WDR4: variants seen among roughly 807,000 people sequenced by gnomAD.
WDR4 encodes the protein WDR4 tRNA N7-guanosine methyltransferase non-catalytic subunit.
In WDR4, 47 loss-of-function variants were observed where a neutral mutation model predicts 48.6. The ratio of observed to expected loss-of-function variants is 0.97; its 90% CI spans 0.77 to 1.23. WDR4 has a LOEUF of 1.23. Ranked by LOEUF, WDR4 falls within the 50% of genes most tolerant of loss-of-function variation. WDR4 has a pLI of 0.00. For synonymous variants in WDR4, 268 were observed against 230.0 expected (o/e 1.17, Z -1.49); for missense variants, 606 against 551.6 (o/e 1.10, Z -0.99).
chr21:42,868,960 TAAC>T (rs371382227), intron 3 of WDR4, among the ~76,000 whole-genome samples: 15 of 152,178 alleles, frequency 9.9e-5, no homozygotes, highest in African/African-American at 3.4e-4. Flanking sequence ...GCAAACAATG[TAAC>T]AACTCAGCTA....
At chr21:42,871,712 C>G (rs982982119) in intron 3 of WDR4, among the ~76,000 whole-genome samples, 28 of 152,122 alleles carry the variant, frequency 1.8e-4, no homozygotes, top group African/African-American at 6.3e-4. Flanking sequence ...GGGAAAGGAG[C>G]CAGAAGGTGG....
the WDR4 span, among the ~76,000 whole-genome samples, chr21:42,892,423 TCTTTGATAAAGGC>T: frequency 3.2e-4 from 48 of 152,144 alleles, no homozygotes; most frequent in East Asian, 7.7e-4. Flanking sequence ...AGCAGACTCC[TCTTTGATAAAGGC>T]CTTTGATAAA....
chr21:42,856,292 C>T (rs185971600), intron 6 of WDR4, among the ~76,000 whole-genome samples: 1 of 152,344 alleles, frequency 6.6e-6, no homozygotes, highest in Non-Finnish European at 1.5e-5. Context: ...ACTGGTACAA[C>T]CCTTCAGGAA....
At chr21:42,864,775 T>C (rs2058211250) in intron 3 of WDR4, among the ~76,000 whole-genome samples, 2 of 152,188 alleles carry the variant, frequency 1.3e-5, no homozygotes. Context: ...TCATTTCTAC[T>C]GGAATCGTCC....
At chr21:42,856,742 G>A (rs1415824618) in intron 6 of WDR4, among the ~76,000 whole-genome samples, 4 of 151,958 alleles carry the variant, frequency 2.6e-5, no homozygotes, top group East Asian at 1.9e-4. Flanking sequence ...TCTGGGTGCC[G>A]AGGTAAGAGT....
downstream of WDR4, among the ~76,000 whole-genome samples, chr21:42,844,993 C>T (rs2145976883): frequency 6.6e-6 from 1 of 152,320 alleles, no homozygotes; most frequent in East Asian, 1.9e-4. Flanking sequence ...TGCCAACCTG[C>T]AAAGGAGGGT....
At chr21:42,877,269 C>T (rs568242204) in intron 1 of WDR4, among the ~76,000 whole-genome samples, 2 of 151,016 alleles carry the variant, frequency 1.3e-5, no homozygotes, top group African/African-American at 4.9e-5. Flanking sequence ...TCAGCCTTCC[C>T]GGTAGCTGGA....
chr21:42,876,765 T>C lies in WDR4; in HGVS notation c.92A>G (p.Asp31Gly), dbSNP rs1215754730. ...RFLATSIASS[D>G]DDSLFIYDCS... ...GTCATAGATGAAGAGGCTGTCATCA[T>C]CACTAAAGAGAAATAACAATAATTT... is the stretch of plus-strand genomic sequence containing the variant. The change falls in exon 2 of 11, where the codon GAT becomes GGT. Residue 31 changes from aspartate (D) to glycine (G), a missense_variant and splice_region_variant. Physicochemically the swap from Asp to Gly is moderately conservative, Grantham distance 94. Transcript: ENST00000398208. 1.7e-5 allele frequency: 27 copies of C among 1,609,856 alleles called. No individual in the cohort carries two copies. The highest frequency in any genetic ancestry group is 2.3e-5 in the Non-Finnish European group (27 of 1,178,774).
intron 1 of WDR4, among the ~76,000 whole-genome samples, chr21:42,877,138 A>ATTTTT (rs35841350): frequency 6.2e-5 from 6 of 97,380 alleles, no homozygotes; most frequent in African/African-American, 1.7e-4. Flanking sequence ...CCTGGCCCTA[A>ATTTTT]TTTTTTTTTT....
intron 3 of WDR4, among the ~76,000 whole-genome samples, chr21:42,866,198 G>A (rs1397842920): frequency 6.6e-6 from 1 of 152,110 alleles, no homozygotes; most frequent in African/African-American, 2.4e-5. Flanking sequence ...CCTGGCCTCA[G>A]TCCCTCGGGC....
intron 10 of WDR4, among the ~76,000 whole-genome samples, chr21:42,851,092 T>C (rs1278098401): frequency 2.0e-5 from 3 of 152,206 alleles, no homozygotes; most frequent in Non-Finnish European, 4.4e-5. Context: ...CTGCTCTATC[T>C]ATGGAACATC....
At chr21:42,866,038 T>C (rs2146065321) in intron 3 of WDR4, among the ~76,000 whole-genome samples, 1 of 152,326 alleles carries the variant, frequency 6.6e-6, no homozygotes. Context: ...CAGATGGTTC[T>C]CTGGCTCTGC....
chr21:42,886,213 TC>T, the WDR4 span, among the ~76,000 whole-genome samples: 1 of 152,166 alleles, frequency 6.6e-6, no homozygotes, highest in Non-Finnish European at 1.5e-5. Context: ...CGCCTTGGCC[TC>T]CCAAAGTGCT....
chr21:42,863,574 C>A lies in WDR4; in HGVS notation c.319G>T (p.Ala107Ser). The stretch of plus-strand genomic sequence containing the variant: ...TCCTCCGAGGCTATGAAAGTCAGGG[C>A]TGTACACCTCCTTGCCACGGTCCTA... Reference protein sequence around the residue: ...SVRTVARRCTALTFIASEEKV... With the variant: ...SVRTVARRCTSLTFIASEEKV... The change falls in exon 4 of 11, where the codon GCC becomes TCC. Residue 107 changes from alanine (A) to serine (S), a missense_variant. Physicochemically the swap from Ala to Ser is moderately conservative, Grantham distance 99. Coordinates refer to ENST00000398208, the MANE Select transcript of WDR4 (RefSeq NM_018669.6). The A allele has an allele frequency of 6.2e-7, 1 of 1,613,870 alleles. No individual in the cohort carries two copies. Among genetic ancestry groups the A allele is most frequent in the African/African-American group, 1.3e-5 (1 of 74,954 alleles).
upstream of WDR4, chr21:42,879,540 C>T (rs1275864578): frequency 7.5e-6 from 12 of 1,605,226 alleles, no homozygotes; most frequent in African/African-American, 1.3e-5. Flanking sequence ...AGCCCAGAGC[C>T]TCTTCCTGTC....
chr21:42,869,573 T>C (rs1255777211), intron 3 of WDR4, among the ~76,000 whole-genome samples: 4 of 152,180 alleles, frequency 2.6e-5, no homozygotes, highest in African/African-American at 9.7e-5. Context: ...AGAGCCACAC[T>C]TTGGGAGATG....
chr21:42,865,662 C>A (rs896521860), intron 3 of WDR4, among the ~76,000 whole-genome samples: 11 of 152,214 alleles, frequency 7.2e-5, no homozygotes, highest in African/African-American at 2.6e-4. Context: ...CAGAATGGGG[C>A]AGGTCACTGG....
At chr21:42,866,091 A>C (rs2146065684) in intron 3 of WDR4, among the ~76,000 whole-genome samples, 1 of 152,264 alleles carries the variant, frequency 6.6e-6, no homozygotes, top group South Asian at 2.1e-4. Context: ...GTTTTCGGAA[A>C]CACAGACTCC....
Position 42,875,974 on chromosome 21 carries a change from C to T in WDR4, c.155+728G>A, listed in dbSNP as rs1359599028. The stretch of plus-strand genomic sequence containing the variant: ...GCTGTGTCACCCAGGTTGGAGAGTG[C>T]GGTGGCGCAACCTCGGCCGACTGCA... On this transcript the variant is annotated intron_variant, in intron 2 of 10. Transcript: ENST00000398208. Among the ~76,000 whole-genome samples, 8 of 125,844 alleles carry T rather than the reference C, an allele frequency of 6.4e-5. No homozygotes were observed. In the South Asian group the frequency reaches 7.5e-4, roughly 12 times the overall value. The allele number at this position is 125,844 out of a possible 152,430, so 82.6% of individuals were successfully genotyped here.
Sources: gnomAD v4.1 joint callset for allele counts (sites outside exome capture counted in the v4.1 genomes callset) on GRCh38, gnomAD v4.1.1 for gene constraint, MANE v1.5 for transcripts, NCBI Gene and HGNC (gene_info 2026-07-23, HGNC 2026-07-21) for gene names.